Variants in DMD observed in about 807,000 individuals in gnomAD.
DMD encodes mutant dystrophin.
A neutral mutation model predicts 330.1 loss-of-function variants in DMD; 63 were observed. That is an observed-to-expected ratio of 0.19 (90% CI 0.16 to 0.24). The LOEUF (loss-of-function observed/expected upper bound fraction) is 0.24, where lower values mean the gene tolerates loss of function less well. Among genes scored for constraint, DMD ranks in the 10% least tolerant of loss-of-function variants. The pLI, the probability that DMD is intolerant of heterozygous loss-of-function variation, is 1.00. For missense variants in DMD, 3,344 were observed against 2,684.1 expected, an observed-to-expected ratio of 1.25 and a Z score of -5.43; for synonymous variants, 1,223 against 959.8, an observed-to-expected ratio of 1.27 and a Z score of -5.07.
At chrX:31,401,751 A>G in intron 60 of DMD, among the ~76,000 whole-genome samples, 1 of 111,224 alleles carries the variant, frequency 9.0e-6, no homozygotes, top group South Asian at 3.9e-4. Context: ...TCTCCGTTAC[A>G]TATTCTTCTT....
At chrX:31,255,656 G>A (rs188283145) in intron 63 of DMD, among the ~76,000 whole-genome samples, 13 of 110,012 alleles carry the variant, frequency 1.2e-4, no homozygotes, top group African/African-American at 3.0e-4. Flanking sequence ...AGAGTTAGCC[G>A]AAAGGTACCT....
intron 44 of DMD, 98 bp from the exon 45 acceptor site, chrX:31,968,612 A>G (rs2095371695): frequency 1.1e-6 from 1 of 906,463 alleles, no homozygotes; most frequent in Non-Finnish European, 1.6e-6. Flanking sequence ...TTGTACTGGC[A>G]AAGAAAGAAA....
At chrX:32,946,894 G>A (rs917591087) in intron 2 of DMD, among the ~76,000 whole-genome samples, 1 of 111,731 alleles carries the variant, frequency 9.0e-6, no homozygotes, top group Non-Finnish European at 1.9e-5. Flanking sequence ...TCCCAGGTGG[G>A]ACCTAGGCAT....
intron 1 of DMD, among the ~76,000 whole-genome samples, chrX:33,207,300 T>C (rs749326316): frequency 9.9e-5 from 11 of 111,372 alleles, no homozygotes; most frequent in Non-Finnish European, 2.1e-4. Flanking sequence ...AGAGGAGCCA[T>C]CTGGTTTAAG....
chrX:32,618,299 G>A (rs1227750075), intron 11 of DMD, among the ~76,000 whole-genome samples: 3 of 112,126 alleles, frequency 2.7e-5, no homozygotes, highest in African/African-American at 9.7e-5. Flanking sequence ...AAGAAAATGT[G>A]GTAAACACAT....
At chrX:32,412,925 A>C (rs774204663) in intron 29 of DMD, among the ~76,000 whole-genome samples, 1 of 111,057 alleles carries the variant, frequency 9.0e-6, no homozygotes, top group African/African-American at 3.3e-5. Context: ...ATTATTCTTC[A>C]GTGAAGCCAG....
chrX:32,400,689 T>C (rs1435907241), intron 30 of DMD, among the ~76,000 whole-genome samples: 1 of 109,264 alleles, frequency 9.2e-6, no homozygotes, highest in Non-Finnish European at 1.9e-5. Flanking sequence ...CAACAGGTGC[T>C]GGAGAGGATG....
intron 9 of DMD, among the ~76,000 whole-genome samples, chrX:32,653,914 G>C (rs1602570015): frequency 9.0e-6 from 1 of 111,556 alleles, no homozygotes; most frequent in East Asian, 2.8e-4. Flanking sequence ...TATTCTCTTT[G>C]AAGCAATTGT....
chrX:32,083,279 T>A (rs1278167269), intron 44 of DMD, among the ~76,000 whole-genome samples: 3 of 110,020 alleles, frequency 2.7e-5, no homozygotes, highest in Non-Finnish European at 5.7e-5. Context: ...AATCTTTTTT[T>A]TTTTTCTTTT....
At chrX:32,660,891 T>C (rs1237701278) in intron 9 of DMD, among the ~76,000 whole-genome samples, 1 of 111,435 alleles carries the variant, frequency 9.0e-6, no homozygotes, top group East Asian at 2.8e-4. Flanking sequence ...AGATTTTAAG[T>C]ATTCTACTAC....
chrX:31,381,961 A>G (rs1168789243), intron 60 of DMD, among the ~76,000 whole-genome samples: 1 of 111,733 alleles, frequency 8.9e-6, no homozygotes, highest in Non-Finnish European at 1.9e-5. Context: ...CCCCGAGTCA[A>G]GAAACTAAAA....
At chrX:32,642,366 A>G (rs56842615) in intron 11 of DMD, among the ~76,000 whole-genome samples, 18,478 of 111,796 alleles carry the variant, frequency 0.17, 3,514 homozygotes, top group African/African-American at 0.56. Context: ...TTGCCTTCTT[A>G]ATAATTATTC....
rs184420957 is a variant in DMD, at chrX:31,183,752, C to T, written c.9808-848G>A. Among the ~76,000 whole-genome samples, 366 of 110,090 alleles carry T rather than the reference C, an allele frequency of 3.3e-3. 4 individuals carry two copies. The highest frequency in any genetic ancestry group is 0.011 in the African/African-American group (340 of 30,274). On this transcript the variant is annotated intron_variant, in intron 67 of 78. Coordinates refer to ENST00000357033, the MANE Select transcript of DMD (RefSeq NM_004006.3). ...TTTTTTGCTCTTCATTGCTTTCTTT[C>T]ATCTCAAATCTTCCATCTGGGATTA...
chrX:32,209,680 C>T (rs183524413), intron 44 of DMD, among the ~76,000 whole-genome samples: 1 of 111,247 alleles, frequency 9.0e-6, no homozygotes, highest in African/African-American at 3.3e-5. Context: ...GTCTCTTACT[C>T]TCTTGATAAT....
intron 49 of DMD, among the ~76,000 whole-genome samples, chrX:31,823,407 T>C (rs113033180): frequency 1.8e-5 from 2 of 111,484 alleles, no homozygotes; most frequent in African/African-American, 6.5e-5. Flanking sequence ...TATTTCTGAA[T>C]TGAATAAAAT....
At chrX:32,170,476 A>G (rs1603627566) in intron 44 of DMD, among the ~76,000 whole-genome samples, 1 of 107,081 alleles carries the variant, frequency 9.3e-6, no homozygotes, top group South Asian at 4.1e-4. Flanking sequence ...CATCTCAAAT[A>G]ATAATAATAA....
chrX:33,065,960 G>T (rs2094648349), intron 1 of DMD, among the ~76,000 whole-genome samples: 1 of 110,389 alleles, frequency 9.1e-6, no homozygotes, highest in South Asian at 3.8e-4. Flanking sequence ...AGATGAGCAG[G>T]AAACATTTCT....
chrX:31,382,844 C>A (rs1461870937), intron 60 of DMD, among the ~76,000 whole-genome samples: 2 of 110,730 alleles, frequency 1.8e-5, no homozygotes, highest in Non-Finnish European at 3.8e-5. Flanking sequence ...CCACACCACC[C>A]CGAAAATTTT....
intron 44 of DMD, among the ~76,000 whole-genome samples, chrX:32,174,198 A>T (rs944295605): frequency 8.9e-6 from 1 of 112,501 alleles, no homozygotes; most frequent in Non-Finnish European, 1.9e-5. Flanking sequence ...TGAGGATCAC[A>T]GAGGAGAAAT....
Sources: allele counts gnomAD v4.1 joint callset (sites outside exome capture counted in the v4.1 genomes callset), GRCh38; gene constraint gnomAD v4.1.1; transcripts MANE v1.5; gene names NCBI Gene and HGNC (gene_info 2026-07-23, HGNC 2026-07-21).